GRK3: variants seen among roughly 807,000 people sequenced by gnomAD.
GRK3 encodes the protein G protein-coupled receptor kinase 3.
Under a neutral mutation model 95.7 loss-of-function variants are expected in GRK3, and 54 were observed. The ratio of observed to expected loss-of-function variants is 0.56; its 90% CI spans 0.45 to 0.71. The LOEUF is 0.71. GRK3 is among the 30% of genes least tolerant of loss of function. The pLI is 0.00. For synonymous variants in GRK3, 281 were observed against 290.8 expected (o/e 0.97, Z 0.34); for missense variants, 649 against 851.2 (o/e 0.76, Z 2.96).
intron 3 of GRK3, among the ~76,000 whole-genome samples, chr22:25,652,263 T>A (rs895345857): frequency 4.6e-5 from 7 of 152,064 alleles, no homozygotes; most frequent in Admixed American, 4.6e-4. Context: ...TGAAACTCTG[T>A]CTCTACTAAA....
chr22:25,596,923 G>C (rs764884216), intron 1 of GRK3, among the ~76,000 whole-genome samples: 1 of 152,088 alleles, frequency 6.6e-6, no homozygotes, highest in Non-Finnish European at 1.5e-5. Flanking sequence ...ACCAGCATGA[G>C]AACAAGGATA....
chr22:25,603,262 C>G (rs945180696), intron 1 of GRK3, among the ~76,000 whole-genome samples: 2 of 151,926 alleles, frequency 1.3e-5, no homozygotes, highest in Non-Finnish European at 2.9e-5. Context: ...AAATTTGCCT[C>G]AATTTGTTTT....
At chr22:25,595,962 A>G (rs1293621230) in intron 1 of GRK3, among the ~76,000 whole-genome samples, 1 of 152,194 alleles carries the variant, frequency 6.6e-6, no homozygotes, top group East Asian at 1.9e-4. Context: ...ATGTGTGTAT[A>G]TGTAATACAC....
At chr22:25,632,825 CT>C (rs1352116251) in intron 2 of GRK3, among the ~76,000 whole-genome samples, 4 of 152,138 alleles carry the variant, frequency 2.6e-5, no homozygotes, top group Non-Finnish European at 5.9e-5. Flanking sequence ...TGTTTCTGGA[CT>C]GTATTCTTTT....
At chr22:25,591,138 C>T (rs1320301248) in intron 1 of GRK3, among the ~76,000 whole-genome samples, 2 of 152,156 alleles carry the variant, frequency 1.3e-5, no homozygotes, top group Non-Finnish European at 2.9e-5. Context: ...TTCACGGGCT[C>T]CCATGACCAT....
intron 5 of GRK3, among the ~76,000 whole-genome samples, chr22:25,667,244 C>T (rs949610193): frequency 1.3e-5 from 2 of 152,132 alleles, no homozygotes; most frequent in Non-Finnish European, 2.9e-5. Flanking sequence ...CTTCATGGAC[C>T]TATTAGCTTT....
At chr22:25,646,944 C>T (rs1337082517) in intron 3 of GRK3, among the ~76,000 whole-genome samples, 1 of 149,580 alleles carries the variant, frequency 6.7e-6, no homozygotes, top group African/African-American at 2.5e-5. Context: ...TCACTTGAAC[C>T]CGGGAGGCAG....
chr22:25,615,212 C>T lies in GRK3; in HGVS notation c.190+10759C>T, dbSNP rs574206199. On this transcript the variant is annotated intron_variant, in intron 2 of 20. Coordinates refer to ENST00000324198, the MANE Select transcript of GRK3 (RefSeq NM_005160.4). ...CTCTCTGCCAGTGTCCACGTATTTT[C>T]GGAAAAAAAAATTATATGCTCTGTC... 6.4e-4 allele frequency among the ~76,000 whole-genome samples: 97 copies of T among 151,846 alleles called. 1 individual carries two copies. The highest frequency in any genetic ancestry group is 2.0e-3 in the African/African-American group (82 of 41,402).
chr22:25,700,943 G>C (rs1462660207), intron 13 of GRK3, among the ~76,000 whole-genome samples: 1 of 152,084 alleles, frequency 6.6e-6, no homozygotes, highest in African/African-American at 2.4e-5. Flanking sequence ...ATAATTTTTT[G>C]AACCCATTGT....
intron 7 of GRK3, among the ~76,000 whole-genome samples, chr22:25,673,945 A>G (rs970303060): frequency 6.6e-6 from 1 of 151,948 alleles, no homozygotes; most frequent in South Asian, 2.1e-4. Context: ...CATGGCCTGC[A>G]TCTGTTGGGT....
At position 25,685,253 on chromosome 22, in the gene GRK3, G is replaced by C; in HGVS notation, c.826+5G>C. The C allele has an allele frequency of 1.2e-6, 2 of 1,606,876 alleles. No homozygotes were observed. The highest frequency in any genetic ancestry group is 1.7e-6 in the Non-Finnish European group (2 of 1,173,494). On this transcript the variant is annotated splice_donor_5th_base_variant and intron_variant, in intron 10 of 20. Transcript: ENST00000324198. ...TCATCCTGGATCTGATGAACGGTAA[G>C]CAAAACTTGGAAAATCTGAATGCCT...
At chr22:25,699,985 C>T (rs992759513) in intron 13 of GRK3, among the ~76,000 whole-genome samples, 1 of 152,096 alleles carries the variant, frequency 6.6e-6, no homozygotes, top group Admixed American at 6.5e-5. Context: ...GGCGTGAGCC[C>T]CCGCGCCCGG....
At chr22:25,699,829 G>C (rs1482472772) in intron 13 of GRK3, among the ~76,000 whole-genome samples, 1 of 151,640 alleles carries the variant, frequency 6.6e-6, no homozygotes, top group Non-Finnish European at 1.5e-5. Context: ...CTTCCAAGTA[G>C]CTGGGACTAC....
chr22:25,577,968 T>C (rs762605812), intron 1 of GRK3, among the ~76,000 whole-genome samples: 4 of 152,212 alleles, frequency 2.6e-5, no homozygotes, highest in Non-Finnish European at 5.9e-5. Flanking sequence ...AATTATTTCA[T>C]ATAAACAATT....
chr22:25,722,292 G>A lies in GRK3; in HGVS notation c.1909G>A (p.Asp637Asn). Reference sequence around the variant, plus strand: ...CTGCCTTTGTATTCCCCCTCAGAGTGATCCAGAGTTTGTGCAGTGGAAGAA... The same window carrying A: ...CTGCCTTTGTATTCCCCCTCAGAGTAATCCAGAGTTTGTGCAGTGGAAGAA... ...GKQFVLQCES[D>N]PEFVQWKKEL... Residue 637 changes from aspartate to asparagine, a missense_variant, in exon 21 of 21, where the codon GAT becomes AAT. Physicochemically the swap from Asp to Asn is conservative, Grantham distance 23. Transcript: ENST00000324198. The A allele has an allele frequency of 6.2e-7, 1 of 1,614,148 alleles. No homozygotes were observed. The highest frequency in any genetic ancestry group is 1.1e-5 in the South Asian group (1 of 91,080).
At chr22:25,583,311 C>G (rs960223818) in intron 1 of GRK3, among the ~76,000 whole-genome samples, 40 of 150,966 alleles carry the variant, frequency 2.6e-4, no homozygotes, top group African/African-American at 9.8e-4. Context: ...AAAAATAAGT[C>G]AGTCCAAAAG....
chr22:25,643,597 T>TA (rs2084759056), intron 2 of GRK3, among the ~76,000 whole-genome samples: 1 of 152,258 alleles, frequency 6.6e-6, no homozygotes, highest in Non-Finnish European at 1.5e-5. Context: ...TCCGTTTAAT[T>TA]GTTTTGACTT....
Position 25,648,550 on chromosome 22 carries a change from C to T in GRK3, c.264+3885C>T, listed in dbSNP as rs2084804114. On this transcript the variant is annotated intron_variant, in intron 3 of 20. Coordinates refer to ENST00000324198, the MANE Select transcript of GRK3 (RefSeq NM_005160.4). ...AAACCAGGTACAATGATGCCAGAAGCTTTTCTTCAAGAAGCTCAGGTAATG... is the reference window on the plus strand; with the variant it reads ...AAACCAGGTACAATGATGCCAGAAGTTTTTCTTCAAGAAGCTCAGGTAATG... 4 of 1,440,432 alleles carry T rather than the reference C, an allele frequency of 2.8e-6. No individual in the cohort carries two copies. In the South Asian group the frequency reaches 3.5e-5, roughly 13 times the overall value. The allele number at this position is 1,440,432 out of a possible 1,614,324, so 89.2% of individuals were successfully genotyped here.
chr22:25,648,973 C>A, intron 3 of GRK3: 1 of 989,088 alleles, frequency 1.0e-6, no homozygotes, highest in South Asian at 1.3e-5. Flanking sequence ...GGTGTCTGCT[C>A]ATTTGGAATT....
Sources: gnomAD v4.1 joint callset for allele counts (sites outside exome capture counted in the v4.1 genomes callset) on GRCh38, gnomAD v4.1.1 for gene constraint, MANE v1.5 for transcripts, NCBI Gene and HGNC (gene_info 2026-07-23, HGNC 2026-07-21) for gene names.